RGR: variants seen among roughly 807,000 people sequenced by gnomAD.
The protein encoded by RGR is retinal G protein coupled receptor.
RGR carries 30 observed loss-of-function variants against 28.6 expected under a neutral mutation model. The ratio of observed to expected loss-of-function variants is 1.05; its 90% CI spans 0.78 to 1.42. The LOEUF is 1.42. Among genes scored for constraint, RGR ranks in the 40% most tolerant of loss-of-function variants. The pLI is 0.00. For synonymous variants in RGR, 180 were observed against 156.4 expected (o/e 1.15, Z -1.13); for missense variants, 404 against 375.6 (o/e 1.08, Z -0.62).
chr10:84,257,879 C>T lies in RGR; in HGVS notation c.631-14C>T. On this transcript the variant is annotated splice_polypyrimidine_tract_variant and intron_variant, in intron 5 of 6. Transcript: ENST00000652092. ...TGGAGCAAGCTGACATCTCCTGTGACAATTTCTCCCCAGGTAAACACCACT... is the reference window on the plus strand; with the variant it reads ...TGGAGCAAGCTGACATCTCCTGTGATAATTTCTCCCCAGGTAAACACCACT... 1 of 1,612,436 alleles carries T rather than the reference C, an allele frequency of 6.2e-7. No individual in the cohort carries two copies.
At chr10:84,253,156 C>A (rs1184613045) in intron 4 of RGR, 146 bp downstream of exon 4, 4 of 921,318 alleles carry the variant, frequency 4.3e-6, no homozygotes, top group Non-Finnish European at 6.4e-6. Flanking sequence ...ATGATACCCA[C>A]CTGCAGGTGG....
In RGR at chr10:84,258,985, A is replaced by G. The variant is rs1842923013; in HGVS notation, c.*346A>G. On this transcript the variant is annotated 3_prime_UTR_variant, in exon 7 of 7. Transcript: ENST00000652092. ...TTAGTGTAACCATCACCCTAATAAT[A>G]TACGTTGTACCCATTAAGTTATTTC... is the stretch of plus-strand genomic sequence containing the variant. 8 of 356,852 alleles carry G rather than the reference A, an allele frequency of 2.2e-5. No homozygotes were observed. The highest frequency in any genetic ancestry group is 3.8e-5 in the Non-Finnish European group (7 of 182,650). 22.1% of individuals were successfully genotyped at this position (356,852 alleles called of 1,614,324 possible).
chr10:84,253,000 A>G lies in RGR; in HGVS notation c.502A>G (p.Lys168Glu). Residue 168 changes from lysine (K) to glutamate (E), a missense_variant, in exon 4 of 7, where the codon AAG becomes GAG. Physicochemically the swap from Lys to Glu is moderately conservative, Grantham distance 56. Coordinates refer to ENST00000652092, the MANE Select transcript of RGR (RefSeq NM_001012720.2). Reference sequence around the variant, plus strand: ...GACATGCTGCACCCTGGACTACTCCAAGGGGGACAGGTGAGGTGGGAGGAG... The same window carrying G: ...GACATGCTGCACCCTGGACTACTCCGAGGGGGACAGGTGAGGTGGGAGGAG... ...LGTCCTLDYS[K>E]GDRNFTSFLF... 1 of 1,613,568 alleles carries G rather than the reference A, an allele frequency of 6.2e-7. No individual in the cohort carries two copies. Among genetic ancestry groups the G allele is most frequent in the Non-Finnish European group, 8.5e-7 (1 of 1,180,008 alleles).
At position 84,258,621 on chromosome 10, in the gene RGR, G is replaced by T. The variant is rs997944407; in HGVS notation, c.858G>T (p.Glu286Asp). ...AGTGCCTCTCACCGCAGAAGAGGGA[G>T]AAGGACCGAACCAAGTGAGCCTGCC... ...IWQCLSPQKR[E>D]KDRTK Residue 286 changes from glutamate to aspartate, a missense_variant, in exon 7 of 7, where the codon GAG (glutamate) becomes GAT (aspartate). Coordinates refer to ENST00000652092, the MANE Select transcript of RGR (RefSeq NM_001012720.2). 6.2e-7 allele frequency: 1 copy of T among 1,614,076 alleles called. No individual in the cohort carries two copies. Among genetic ancestry groups the T allele is most frequent in the African/African-American group, 1.3e-5 (1 of 74,936 alleles).
intron 2 of RGR, chr10:84,247,997 G>A: frequency 1.6e-6 from 1 of 640,348 alleles, no homozygotes; most frequent in South Asian, 1.9e-5. Context: ...TGTGGGTTCT[G>A]TAACCAAGCA....
intron 3 of RGR, among the ~76,000 whole-genome samples, chr10:84,251,532 G>T (rs1342369977): frequency 2.0e-5 from 3 of 152,112 alleles, no homozygotes; most frequent in Admixed American, 1.3e-4. Context: ...GAGAGAGATT[G>T]TCACTCTTGT....
chr10:84,254,448 G>A lies in RGR; in HGVS notation c.630+5G>A, dbSNP rs763749045. 1 of 1,611,194 alleles carries A rather than the reference G, an allele frequency of 6.2e-7. No homozygotes were observed. The highest frequency in any genetic ancestry group is 1.1e-5 in the South Asian group (1 of 91,004). ...GGGAAGAGTGGCCATCTCCAGGTAA[G>A]GACCCCCTTCCGGAGTGTTATCTGA... On this transcript the variant is annotated splice_donor_5th_base_variant and intron_variant, in intron 5 of 6. Transcript: ENST00000652092.
chr10:84,254,460 G>A lies in RGR; in HGVS notation c.630+17G>A, dbSNP rs756267636. On this transcript the variant is annotated intron_variant, in intron 5 of 6. Coordinates refer to ENST00000652092, the MANE Select transcript of RGR (RefSeq NM_001012720.2). ...CATCTCCAGGTAAGGACCCCCTTCC[G>A]GAGTGTTATCTGATGGTGCAGCGCA... 1.4e-5 allele frequency: 23 copies of A among 1,599,268 alleles called. No homozygotes were observed. Among genetic ancestry groups the A allele is most frequent in the South Asian group, 4.4e-5 (4 of 90,782 alleles).
rs146536539 is a variant in RGR at position 84,247,740 on chromosome 10, C to T, written c.229C>T (p.Leu77Phe). The T allele has an allele frequency of 8.6e-4, 1,384 of 1,614,196 alleles. 1 individual carries two copies. Among genetic ancestry groups the T allele is most frequent in the Non-Finnish European group, 1.1e-3 (1,326 of 1,180,044 alleles). The stretch of plus-strand genomic sequence containing the variant: ...TGCCCTCGTTGCAGCCACATCCAGC[C>T]TTCTCCGGTACCAGCCCCCTCCCCA... ...LNALVAATSS[L>F]LRRWPYGSDG... The change falls in exon 2 of 7, where the codon CTT becomes TTT. Residue 77 changes from leucine to phenylalanine, a missense_variant. Physicochemically the swap from Leu to Phe is conservative, Grantham distance 22. Transcript: ENST00000652092.
chr10:84,257,837 T>G, intron 5 of RGR, 56 bp from the exon 6 acceptor site: 1 of 1,510,524 alleles, frequency 6.6e-7, no homozygotes, highest in Non-Finnish European at 9.2e-7. Context: ...CTTGGCCACA[T>G]AGGGCTGTGG....
chr10:84,250,304 TGCCATAGTCACATGTATA>T (rs1312881471), intron 3 of RGR: 2 of 712,132 alleles, frequency 2.8e-6, no homozygotes, highest in Non-Finnish European at 5.3e-6. Flanking sequence ...GAACTTCCCT[TGCCATAGTCACATGTATA>T]GCCCCCTTCC....
chr10:84,255,785 T>C (rs11595450), intron 5 of RGR, among the ~76,000 whole-genome samples: 41,325 of 142,990 alleles, frequency 0.29, 7,701 homozygotes, highest in African/African-American at 0.54. Context: ...AGCGCAATGG[T>C]GTGATGTCGG....
chr10:84,251,394 T>C (rs1842816632), intron 3 of RGR, among the ~76,000 whole-genome samples: 2 of 152,174 alleles, frequency 1.3e-5, no homozygotes, highest in African/African-American at 2.4e-5. Flanking sequence ...GCTTGAACAA[T>C]AGAAATTTAT....
rs142843377 is a variant in RGR, at chr10:84,246,901, C to T, written c.80-690C>T. 2.2e-3 allele frequency among the ~76,000 whole-genome samples: 335 copies of T among 152,286 alleles called. 2 individuals carry two copies. Among genetic ancestry groups the T allele is most frequent in the African/African-American group, 7.7e-3 (322 of 41,558 alleles). ...TTCTTATAGGAGTAAGGTGGTATCT[C>T]ATTGTACCATAGCATGTCTTTGCAC... On this transcript the variant is annotated intron_variant, in intron 1 of 6. Coordinates refer to ENST00000652092, the MANE Select transcript of RGR (RefSeq NM_001012720.2).
At position 84,247,590 on chromosome 10, in the gene RGR, GCT is replaced by G; in HGVS notation, c.85_86del (p.Ser29ArgfsTer92). On this transcript the variant is annotated frameshift_variant and splice_region_variant, in exon 2 of 7. Coordinates refer to ENST00000652092, the MANE Select transcript of RGR (RefSeq NM_001012720.2). LOFTEE classifies it high-confidence loss of function. ...ATGCCAGCCCCCACCCTTCCTTTCA[GCT>G]CTCTCCGGTCTCAGCCTCAATACCC... ...LAVGMVLLVEALSGLSLNTLT... is the reference protein window; with the variant it reads ...LAVGMVLLVEXLSGLSLNTLT... 6.2e-7 allele frequency: 1 copy of G among 1,614,040 alleles called. No individual in the cohort carries two copies.
chr10:84,256,732 G>A (rs979640880), intron 5 of RGR, among the ~76,000 whole-genome samples: 27 of 152,170 alleles, frequency 1.8e-4, no homozygotes, highest in African/African-American at 6.5e-4. Context: ...CCTGTCTGGA[G>A]GTGCAAAGTT....
At chr10:84,250,576 G>A in intron 3 of RGR, 1 of 664,372 alleles carries the variant, frequency 1.5e-6, no homozygotes, top group Non-Finnish European at 2.8e-6. Context: ...GATAGCAACA[G>A]GCTTCTCTGC....
Position 84,247,717 on chromosome 10 carries a change from C to A in RGR, c.206C>A (p.Ala69Asp). 1 of 1,614,204 alleles carries A rather than the reference C, an allele frequency of 6.2e-7. No individual in the cohort carries two copies. The change falls in exon 2 of 7, where the codon GCC becomes GAC. Residue 69 changes from alanine (A) to aspartate (D), a missense_variant. Transcript: ENST00000652092. ...GCGGACAGTGGGATCAGCCTGAATG[C>A]CCTCGTTGCAGCCACATCCAGCCTT... ...ALADSGISLNALVAATSSLLR... is the reference protein window; with the variant it reads ...ALADSGISLNDLVAATSSLLR...
rs1030341185 is a variant in RGR, at chr10:84,248,814, A to C, written c.237-108A>C. 4 of 1,586,582 alleles carry C rather than the reference A, an allele frequency of 2.5e-6. No individual in the cohort carries two copies. The African/African-American group carries it at 5.4e-5, about 21-fold the overall frequency. ...AGACACCAATATTAAGGCCCTCTTC[A>C]GAGAAGAAGGGCAGCATTCAGGAAC... is the stretch of plus-strand genomic sequence containing the variant. On this transcript the variant is annotated intron_variant, in intron 2 of 6. Transcript: ENST00000652092.
Sources: allele counts gnomAD v4.1 joint callset (sites outside exome capture counted in the v4.1 genomes callset), GRCh38; gene constraint gnomAD v4.1.1; transcripts MANE v1.5; gene names NCBI Gene and HGNC (gene_info 2026-07-23, HGNC 2026-07-21).